Variants in BPGM observed in about 807,000 individuals in gnomAD.
BPGM encodes the protein 2,3-bisphosphoglycerate mutase, erythrocyte.
Under a neutral mutation model 21.6 loss-of-function variants are expected in BPGM, and 15 were observed. The observed-to-expected ratio is 0.70, with a 90% CI of 0.47 to 1.07. The LOEUF is 1.07. Ranked by LOEUF, BPGM falls within the 50% of genes least tolerant of loss-of-function variation. The pLI is 0.00. For synonymous variants in BPGM, 113 were observed against 116.2 expected, an observed-to-expected ratio of 0.97 and a Z score of 0.18; for missense variants, 273 against 319.0, an observed-to-expected ratio of 0.86 and a Z score of 1.10.
intron 1 of BPGM, among the ~76,000 whole-genome samples, chr7:134,648,148 G>T (rs11976763): frequency 0.58 from 83,770 of 143,976 alleles, 24,980 homozygotes; most frequent in East Asian, 0.88. Flanking sequence ...TTTTTGTTTT[G>T]TTTTCAGACG....
intron 1 of BPGM, among the ~76,000 whole-genome samples, chr7:134,652,706 CAT>C (rs542435154): frequency 3.6e-4 from 55 of 152,188 alleles, no homozygotes; most frequent in Non-Finnish European, 1.0e-4. Context: ...TTAGCTCCCA[CAT>C]ATGAGTGAAA....
intron 2 of BPGM, among the ~76,000 whole-genome samples, chr7:134,663,663 T>G (rs10247058): frequency 0.48 from 73,131 of 152,024 alleles, 17,811 homozygotes; most frequent in East Asian, 0.69. Context: ...GGTCTCAGAT[T>G]TATTGTGGCC....
chr7:134,650,014 G>T (rs1175747727), intron 1 of BPGM, among the ~76,000 whole-genome samples: 1 of 152,174 alleles, frequency 6.6e-6, no homozygotes, highest in African/African-American at 2.4e-5. Flanking sequence ...CTTTCTGATA[G>T]CCCCCTGAGA....
rs1160400568 is a variant in BPGM, at chr7:134,662,004, T to C, written c.497T>C (p.Leu166Pro). 6.2e-7 allele frequency: 1 copy of C among 1,614,206 alleles called. No individual in the cohort carries two copies. Among genetic ancestry groups the C allele is most frequent in the Admixed American group, 1.7e-5 (1 of 60,012 alleles). Residue 166 changes from leucine (L) to proline (P), a missense_variant, in exon 2 of 3, where the codon CTT becomes CCT. Leu to Pro is a moderately conservative substitution (Grantham distance 98, BLOSUM62 -3). Transcript: ENST00000344924. ...ESLKDVLERLLPYWNERIAPE... is the reference protein window; with the variant it reads ...ESLKDVLERLPPYWNERIAPE... ...TTAAAGGATGTTCTGGAGAGACTCCTTCCCTATTGGAATGAAAGGATTGCT... is the reference window on the plus strand; with the variant it reads ...TTAAAGGATGTTCTGGAGAGACTCCCTCCCTATTGGAATGAAAGGATTGCT...
intron 2 of BPGM, among the ~76,000 whole-genome samples, chr7:134,667,333 C>T (rs778614502): frequency 7.2e-5 from 11 of 151,914 alleles, no homozygotes; most frequent in Non-Finnish European, 8.8e-5. Flanking sequence ...TGCCTGTTGT[C>T]CGAATGTAAT....
At chr7:134,670,874 G>A (rs1795893067) in intron 2 of BPGM, among the ~76,000 whole-genome samples, 1 of 151,896 alleles carries the variant, frequency 6.6e-6, no homozygotes. Flanking sequence ...TTCTCATCCT[G>A]TAGCGAATCT....
intron 1 of BPGM, among the ~76,000 whole-genome samples, chr7:134,650,025 AC>A (rs1795531407): frequency 6.6e-6 from 1 of 152,236 alleles, no homozygotes; most frequent in Non-Finnish European, 1.5e-5. Context: ...CCCCCTGAGA[AC>A]AGTAGTTTCA....
intron 1 of BPGM, among the ~76,000 whole-genome samples, chr7:134,657,294 T>C (rs569603773): frequency 6.6e-6 from 1 of 152,280 alleles, no homozygotes; most frequent in South Asian, 2.1e-4. Flanking sequence ...GTGTTCTGCA[T>C]AGGGTACAGT....
chr7:134,669,211 C>T (rs926648245), intron 2 of BPGM, among the ~76,000 whole-genome samples: 1 of 152,142 alleles, frequency 6.6e-6, no homozygotes, highest in Non-Finnish European at 1.5e-5. Flanking sequence ...CCTTTGAAAA[C>T]TAACCTGGAG....
chr7:134,661,432 T>C lies in BPGM; in HGVS notation c.-61-15T>C. ...AGTTGAATATAACTTAGACTTGTTG[T>C]TCTTGTCTTTCTAGATGTATTGCTG... On this transcript the variant is annotated splice_polypyrimidine_tract_variant and intron_variant, in intron 1 of 2. Coordinates refer to ENST00000344924, the MANE Select transcript of BPGM (RefSeq NM_001724.5). This position sits in a 1 kb window ranked among gnomAD's most constrained non-coding sequence, Gnocchi z 4.6. The C allele has an allele frequency of 3.8e-6, 6 of 1,596,360 alleles. No homozygotes were observed. The South Asian group carries it at 6.7e-5, about 18-fold the overall frequency.
At chr7:134,665,860 A>G (rs1334990426) in intron 2 of BPGM, among the ~76,000 whole-genome samples, 1 of 144,738 alleles carries the variant, frequency 6.9e-6, no homozygotes, top group Non-Finnish European at 1.5e-5. Flanking sequence ...TTAGAGATTA[A>G]TGACATTTTC....
At chr7:134,672,946 G>A (rs971497738) in intron 2 of BPGM, among the ~76,000 whole-genome samples, 6 of 152,052 alleles carry the variant, frequency 3.9e-5, no homozygotes, top group East Asian at 3.9e-4. Context: ...AGGCCGAGGC[G>A]GGCAGATCAC....
At chr7:134,672,287 TAAAGACTTCAACACAGACTTAAAGGC>T (rs1312992329) in intron 2 of BPGM, among the ~76,000 whole-genome samples, 1 of 14,634 alleles carries the variant, frequency 6.8e-5, no homozygotes, top group Non-Finnish European at 9.0e-5. Context: ...AACACAGACT[TAAAGACTTCAACACAGACTTAAAGGC>T]AATGGTGGAC....
intron 1 of BPGM, among the ~76,000 whole-genome samples, chr7:134,650,494 T>A (rs1249957457): frequency 6.6e-6 from 1 of 152,232 alleles, no homozygotes; most frequent in East Asian, 1.9e-4. Context: ...GATGTTCTTA[T>A]AACTGCAAGT....
chr7:134,659,596 C>T (rs1206789447), intron 1 of BPGM, among the ~76,000 whole-genome samples: 2 of 152,178 alleles, frequency 1.3e-5, no homozygotes, highest in African/African-American at 4.8e-5. Flanking sequence ...TGGGCTTCCT[C>T]CTTGGGAATT....
chr7:134,676,132 C>T (rs940744234), intron 2 of BPGM, among the ~76,000 whole-genome samples: 2 of 152,194 alleles, frequency 1.3e-5, no homozygotes, highest in African/African-American at 4.8e-5. Context: ...GATAGTTTTA[C>T]TTCTTCCTTT....
chr7:134,664,470 C>T (rs1417863411), intron 2 of BPGM, among the ~76,000 whole-genome samples: 3 of 152,144 alleles, frequency 2.0e-5, no homozygotes, highest in Non-Finnish European at 4.4e-5. Flanking sequence ...ATTAGCCTGC[C>T]GCCTCCCACC....
chr7:134,653,503 T>C (rs1795588862), intron 1 of BPGM, among the ~76,000 whole-genome samples: 2 of 152,198 alleles, frequency 1.3e-5, no homozygotes, highest in African/African-American at 2.4e-5. Context: ...TACTAAACTT[T>C]TAATGATGTC....
chr7:134,663,774 T>G (rs1337722972), intron 2 of BPGM, among the ~76,000 whole-genome samples: 1 of 152,224 alleles, frequency 6.6e-6, no homozygotes, highest in Non-Finnish European at 1.5e-5. Flanking sequence ...TTCCTACTGT[T>G]TAATACCATT....
Sources: allele counts gnomAD v4.1 joint callset (sites outside exome capture counted in the v4.1 genomes callset), GRCh38; gene constraint gnomAD v4.1.1; non-coding constraint Gnocchi (gnomAD v3.1); transcripts MANE v1.5; gene names NCBI Gene and HGNC (gene_info 2026-07-23, HGNC 2026-07-21).